The following ZNF516 variants were observed in gnomAD, a reference collection of about 807,000 sequenced individuals.
The protein encoded by ZNF516 is zinc finger protein 516.
Under a neutral mutation model 79.7 loss-of-function variants are expected in ZNF516, and 19 were observed. The ratio of observed to expected loss-of-function variants is 0.24; its 90% CI spans 0.17 to 0.35. ZNF516 has a LOEUF of 0.35. ZNF516 is among the 10% of genes least tolerant of loss of function. The pLI, the probability that ZNF516 is intolerant of heterozygous loss-of-function variation, is 1.00. For synonymous variants in ZNF516, 877 were observed against 739.5 expected (o/e 1.19, Z -3.02); for missense variants, 1,678 against 1,679.5 (o/e 1.00, Z 0.02).
intron 3 of ZNF516, among the ~76,000 whole-genome samples, chr18:76,403,614 A>C (rs1568263459): frequency 6.6e-6 from 1 of 152,234 alleles, no homozygotes; most frequent in Non-Finnish European, 1.5e-5. Flanking sequence ...TACAAGATCT[A>C]GAGTTTCACA....
chr18:76,475,630 C>A (rs1914129252), intron 1 of ZNF516, among the ~76,000 whole-genome samples: 6 of 152,140 alleles, frequency 3.9e-5, no homozygotes, highest in Admixed American at 3.9e-4. Flanking sequence ...GGGCAGCAGC[C>A]AGCTGGCACA....
intron 2 of ZNF516, among the ~76,000 whole-genome samples, chr18:76,450,156 C>T (rs994260266): frequency 7.6e-6 from 1 of 131,046 alleles, no homozygotes; most frequent in Non-Finnish European, 1.5e-5. Flanking sequence ...GGCAAATGTA[C>T]CAGAATGTTA....
chr18:76,426,884 A>G (rs2145425625), intron 3 of ZNF516, among the ~76,000 whole-genome samples: 1 of 152,318 alleles, frequency 6.6e-6, no homozygotes, highest in East Asian at 1.9e-4. Context: ...GGGCCTCTGG[A>G]TGGACAACAC....
Position 76,442,923 on chromosome 18 carries a change from G to A in ZNF516, c.132C>T (p.Pro44=). ...TGTGCTGCGAAAGCGAGCTCTGGAAGGGGAAGCTCTTGCCGCAGATGCAGC... is the reference window on the plus strand; with the variant it reads ...TGTGCTGCGAAAGCGAGCTCTGGAAAGGGAAGCTCTTGCCGCAGATGCAGC... The part of the protein sequence containing the change: ...HTCCICGKSF[P]FQSSLSQHMR... Residue 44 remains proline (P), a synonymous_variant, in exon 3 of 7, where the codon CCC becomes CCT. Transcript: ENST00000443185. 1 of 1,612,636 alleles carries A rather than the reference G, an allele frequency of 6.2e-7. No individual in the cohort carries two copies. Among genetic ancestry groups the A allele is most frequent in the Non-Finnish European group, 8.5e-7 (1 of 1,179,812 alleles).
rs891558350 is a variant in ZNF516 at position 76,467,013 on chromosome 18, C to A, written c.-271-3872G>T. 3.3e-5 allele frequency among the ~76,000 whole-genome samples: 5 copies of A among 152,134 alleles called. No individual in the cohort carries two copies. Among genetic ancestry groups the A allele is most frequent in the Non-Finnish European group, 7.4e-5 (5 of 68,006 alleles). The stretch of plus-strand genomic sequence containing the variant: ...AAGGGCCCTGGGAGGCAGGGGGGCC[C>A]CAGAGAGGCAAAACCCAGGAGACGC... On this transcript the variant is annotated intron_variant, in intron 1 of 6. Coordinates refer to ENST00000443185, the MANE Select transcript of ZNF516 (RefSeq NM_014643.4). This position sits in a 1 kb window ranked among gnomAD's most constrained non-coding sequence, Gnocchi z 4.2.
intron 4 of ZNF516, among the ~76,000 whole-genome samples, chr18:76,372,343 T>A (rs1248865970): frequency 1.3e-5 from 2 of 152,274 alleles, no homozygotes; most frequent in Non-Finnish European, 1.5e-5. Context: ...AAGAAAAGGC[T>A]TGATTTCCAT....
At chr18:76,373,209 GAGA>G (rs974050239) in intron 4 of ZNF516, among the ~76,000 whole-genome samples, 5 of 149,494 alleles carry the variant, frequency 3.3e-5, no homozygotes, top group East Asian at 2.0e-4. Flanking sequence ...AAGAAGCAAA[GAGA>G]AGAAGAAAAG....
intron 4 of ZNF516, among the ~76,000 whole-genome samples, chr18:76,377,804 C>T (rs1378092586): frequency 6.6e-6 from 1 of 151,838 alleles, no homozygotes; most frequent in Non-Finnish European, 1.5e-5. Context: ...CAACCTCCGC[C>T]TCCTGGGTTC....
At chr18:76,365,997 T>C (rs963998641) in intron 6 of ZNF516, among the ~76,000 whole-genome samples, 2 of 152,220 alleles carry the variant, frequency 1.3e-5, no homozygotes, top group African/African-American at 4.8e-5. Context: ...TGCTTGACTA[T>C]CTGGTTTTCA....
chr18:76,479,503 C>T (rs1914372220), intron 1 of ZNF516, among the ~76,000 whole-genome samples: 1 of 152,202 alleles, frequency 6.6e-6, no homozygotes, highest in Admixed American at 6.5e-5. Context: ...CTCTCCTAAC[C>T]CCTGGGGCAG....
At chr18:76,404,742 T>A (rs10629609) in intron 3 of ZNF516, among the ~76,000 whole-genome samples, 1 of 121,052 alleles carries the variant, frequency 8.3e-6, no homozygotes, top group African/African-American at 3.1e-5. Context: ...ATGTGCGTTG[T>A]GTGTGCATGA....
At chr18:76,406,105 G>T (rs1257681656) in intron 3 of ZNF516, among the ~76,000 whole-genome samples, 5 of 152,174 alleles carry the variant, frequency 3.3e-5, no homozygotes. Context: ...TGGCACACGG[G>T]ACACCCTGCA....
At chr18:76,410,553 C>T (rs938211657) in intron 3 of ZNF516, among the ~76,000 whole-genome samples, 28 of 152,198 alleles carry the variant, frequency 1.8e-4, no homozygotes, top group Admixed American at 1.5e-3. Context: ...TACCGAGACG[C>T]TTTTCTAACT....
At chr18:76,470,265 C>T (rs1913748787) in intron 1 of ZNF516, among the ~76,000 whole-genome samples, 1 of 152,114 alleles carries the variant, frequency 6.6e-6, no homozygotes, top group African/African-American at 2.4e-5. Flanking sequence ...CGTTTTCCCC[C>T]CAACTTTTAA....
Position 76,362,268 on chromosome 18 carries a change from G to GT in ZNF516, c.*229dup. On this transcript the variant is annotated 3_prime_UTR_variant, in exon 7 of 7. Coordinates refer to ENST00000443185, the MANE Select transcript of ZNF516 (RefSeq NM_014643.4). ...GTAAATGCGTATATAGTATCTACAT[G>GT]TATTTCTAGAATATAGCATCTTCAT... 1 of 516,336 alleles carries GT rather than the reference G, an allele frequency of 1.9e-6. No homozygotes were observed. Among genetic ancestry groups the GT allele is most frequent in the Non-Finnish European group, 3.5e-6 (1 of 284,340 alleles). 32.0% of individuals were successfully genotyped at this position (516,336 alleles called of 1,614,324 possible). A position where few individuals can be genotyped will look rare whatever the true frequency, so the allele number is the denominator to read the frequency against.
chr18:76,431,942 G>A (rs2075666804), intron 3 of ZNF516, among the ~76,000 whole-genome samples: 1 of 152,210 alleles, frequency 6.6e-6, no homozygotes, highest in Admixed American at 6.5e-5. Flanking sequence ...CCGCCTCCAG[G>A]TGTGTTCAGG....
At chr18:76,484,046 A>G (rs1181167373) in intron 1 of ZNF516, among the ~76,000 whole-genome samples, 1 of 152,192 alleles carries the variant, frequency 6.6e-6, no homozygotes, top group Non-Finnish European at 1.5e-5. Flanking sequence ...CACTGCCCTA[A>G]ACACCTGGTT....
chr18:76,437,306 G>A lies in ZNF516; in HGVS notation c.1810+3939C>T, dbSNP rs371266603. On this transcript the variant is annotated intron_variant, in intron 3 of 6. Coordinates refer to ENST00000443185, the MANE Select transcript of ZNF516 (RefSeq NM_014643.4). The stretch of plus-strand genomic sequence containing the variant: ...CAGCAAAAGCCTCAGTGCGCCTGGT[G>A]ACAGTGGAAAGAAGATGGGCTCTGA... Among the ~76,000 whole-genome samples, 11 of 152,286 alleles carry A rather than the reference G, an allele frequency of 7.2e-5. No homozygotes were observed. The East Asian group carries it at 1.5e-3, about 21-fold the overall frequency.
chr18:76,410,711 G>A (rs868525108), intron 3 of ZNF516, among the ~76,000 whole-genome samples: 3 of 152,314 alleles, frequency 2.0e-5, no homozygotes, highest in African/African-American at 7.2e-5. Flanking sequence ...ACTTGTGGGA[G>A]ACTTGAGAGT....
Sources: allele counts gnomAD v4.1 joint callset (sites outside exome capture counted in the v4.1 genomes callset), GRCh38; gene constraint gnomAD v4.1.1; non-coding constraint Gnocchi (gnomAD v3.1); transcripts MANE v1.5; gene names NCBI Gene and HGNC (gene_info 2026-07-23, HGNC 2026-07-21).